Variants in MAPK4 observed in about 807,000 individuals in gnomAD.
The protein encoded by MAPK4 is mitogen-activated protein kinase 4, also known as Erk3-related.
Under a neutral mutation model 47.7 loss-of-function variants are expected in MAPK4, and 22 were observed. The ratio of observed to expected loss-of-function variants is 0.46; its 90% CI spans 0.33 to 0.66. The LOEUF is 0.66. MAPK4 is among the 30% of genes least tolerant of loss of function. MAPK4 has a pLI of 0.02. For missense variants in MAPK4, 736 were observed against 831.7 expected (o/e 0.88, Z 1.42); for synonymous variants, 390 against 365.7 (o/e 1.07, Z -0.76).
intron 2 of MAPK4, chr18:50,706,262 G>C (rs990874423): frequency 6.6e-6 from 1 of 152,100 alleles, no homozygotes; most frequent in African/African-American, 2.4e-5. Context: ...TACTCATCCA[G>C]GAACCATGAA....
chr18:50,689,741 A>G (rs1003358123), intron 2 of MAPK4, among the ~76,000 whole-genome samples: 5 of 152,172 alleles, frequency 3.3e-5, no homozygotes, highest in African/African-American at 1.2e-4. Flanking sequence ...ATTTTAAAAA[A>G]GGGGGGCTGT....
intron 1 of MAPK4, among the ~76,000 whole-genome samples, chr18:50,639,521 C>A (rs1032569562): frequency 2.4e-4 from 37 of 151,978 alleles, no homozygotes; most frequent in Non-Finnish European, 1.0e-4. Context: ...GGAGAAAATG[C>A]AGAAAATTAT....
intron 1 of MAPK4, among the ~76,000 whole-genome samples, chr18:50,578,570 A>G (rs2042317434): frequency 6.6e-6 from 1 of 152,224 alleles, no homozygotes; most frequent in Non-Finnish European, 1.5e-5. Flanking sequence ...ATTGCTGCAA[A>G]TCTACCTAAT....
At chr18:50,638,407 C>T (rs1280525595) in intron 1 of MAPK4, among the ~76,000 whole-genome samples, 3 of 152,208 alleles carry the variant, frequency 2.0e-5, no homozygotes, top group Non-Finnish European at 4.4e-5. Context: ...TAAGGCAGCA[C>T]GTCTTTCCCC....
chr18:50,684,308 G>A (rs996748683), intron 2 of MAPK4, among the ~76,000 whole-genome samples: 4 of 152,162 alleles, frequency 2.6e-5, no homozygotes, highest in Admixed American at 6.5e-5. Flanking sequence ...GCTTTGGGAC[G>A]CTGAGGTGGG....
intron 1 of MAPK4, among the ~76,000 whole-genome samples, chr18:50,589,392 C>T (rs1318124158): frequency 2.0e-5 from 3 of 151,992 alleles, no homozygotes; most frequent in African/African-American, 4.8e-5. Flanking sequence ...GTCAGGAGAT[C>T]GAGACCATCC....
Position 50,729,362 on chromosome 18 carries a change from C to A in MAPK4, c.1272C>A (p.Tyr424Ter). ...TGGAGCGCGCCTTCGAGGCCGACTA[C>A]GGGCGCTCCTGCGACTACAAGGTGG... The part of the protein sequence containing the change: ...SSMERAFEAD[Y>*]GRSCDYKVGS... The change falls in exon 6 of 6, where the codon TAC becomes TAA. Residue 424 changes from tyrosine to a stop codon, truncating the protein, a stop_gained. Coordinates refer to ENST00000400384, the MANE Select transcript of MAPK4 (RefSeq NM_002747.4). LOFTEE classifies it high-confidence loss of function. 1 of 1,578,098 alleles carries A rather than the reference C, an allele frequency of 6.3e-7. No homozygotes were observed. The highest frequency in any genetic ancestry group is 8.6e-7 in the Non-Finnish European group (1 of 1,163,442).
At chr18:50,601,463 A>C (rs1370129646) in intron 1 of MAPK4, among the ~76,000 whole-genome samples, 1 of 151,986 alleles carries the variant, frequency 6.6e-6, no homozygotes, top group South Asian at 2.1e-4. Context: ...AAACACATGC[A>C]ACTTTCTCTA....
intron 1 of MAPK4, among the ~76,000 whole-genome samples, chr18:50,649,106 G>A (rs938926266): frequency 2.0e-5 from 3 of 152,192 alleles, no homozygotes; most frequent in African/African-American, 7.2e-5. Flanking sequence ...GATGGGGGTA[G>A]GCCCTGGGTG....
intron 1 of MAPK4, among the ~76,000 whole-genome samples, chr18:50,624,154 A>G (rs2042755710): frequency 6.6e-6 from 1 of 152,248 alleles, no homozygotes; most frequent in African/African-American, 2.4e-5. Context: ...AAATTCCACC[A>G]GAGCAAGGAC....
At chr18:50,622,010 C>A (rs1042172820) in intron 1 of MAPK4, among the ~76,000 whole-genome samples, 1 of 152,172 alleles carries the variant, frequency 6.6e-6, no homozygotes, top group Admixed American at 6.5e-5. Context: ...GTAGACAGGG[C>A]ACATCTTAAT....
At position 50,729,853 on chromosome 18, in the gene MAPK4, G is replaced by A. The variant is rs746873598; in HGVS notation, c.1763G>A (p.Ter588=). ...GAGGCCTTCTCCAAAGAAAGGTGGTGAGGGCGGAGGGGCCGCTCCAGGCCC... is the reference window on the plus strand; with the variant it reads ...GAGGCCTTCTCCAAAGAAAGGTGGTAAGGGCGGAGGGGCCGCTCCAGGCCC... ...QTEAFSKERW[*] The change falls in exon 6 of 6, where the codon TGA becomes TAA. Residue 588 remains the stop codon, a stop_retained_variant. Coordinates refer to ENST00000400384, the MANE Select transcript of MAPK4 (RefSeq NM_002747.4). 3.7e-6 allele frequency: 6 copies of A among 1,605,630 alleles called. No individual in the cohort carries two copies. The Admixed American group carries it at 6.7e-5, about 18-fold the overall frequency.
At chr18:50,688,895 A>AG (rs974645870) in intron 2 of MAPK4, among the ~76,000 whole-genome samples, 4 of 150,380 alleles carry the variant, frequency 2.7e-5, no homozygotes, top group South Asian at 4.2e-4. Flanking sequence ...GAAATAAAAA[A>AG]AAAAAAAAAA....
intron 1 of MAPK4, among the ~76,000 whole-genome samples, chr18:50,652,915 A>G (rs1013442548): frequency 1.3e-5 from 2 of 152,154 alleles, no homozygotes; most frequent in Non-Finnish European, 2.9e-5. Context: ...CTGGGTATGG[A>G]TTACACCTGT....
intron 1 of MAPK4, among the ~76,000 whole-genome samples, chr18:50,655,946 C>G (rs771183266): frequency 6.1e-4 from 93 of 152,236 alleles, no homozygotes; most frequent in Middle Eastern, 3.4e-3. Context: ...TTGAATCCCT[C>G]TCTATATGCC....
At chr18:50,696,166 T>G (rs544068209) in intron 2 of MAPK4, among the ~76,000 whole-genome samples, 2 of 151,692 alleles carry the variant, frequency 1.3e-5, no homozygotes, top group Non-Finnish European at 2.9e-5. Flanking sequence ...GTGCTGGAGC[T>G]CCCAAGAGTC....
intron 1 of MAPK4, among the ~76,000 whole-genome samples, chr18:50,662,364 C>G (rs1040692549): frequency 1.3e-5 from 2 of 152,198 alleles, no homozygotes; most frequent in Non-Finnish European, 1.5e-5. Flanking sequence ...CACCAGAGGG[C>G]AGGGACAGTG....
intron 1 of MAPK4, among the ~76,000 whole-genome samples, chr18:50,608,664 A>G (rs947062257): frequency 2.6e-5 from 4 of 152,004 alleles, no homozygotes; most frequent in Non-Finnish European, 5.9e-5. Context: ...TGCATGCTGT[A>G]TTATGTTTAC....
chr18:50,562,589 C>T (rs1193903690), intron 1 of MAPK4, among the ~76,000 whole-genome samples: 1 of 152,056 alleles, frequency 6.6e-6, no homozygotes, highest in Admixed American at 6.5e-5. Context: ...TGGCTGGGGC[C>T]CTAGGACTGG....
Sources: gnomAD v4.1 joint callset for allele counts (sites outside exome capture counted in the v4.1 genomes callset) on GRCh38, gnomAD v4.1.1 for gene constraint, MANE v1.5 for transcripts, NCBI Gene and HGNC (gene_info 2026-07-23, HGNC 2026-07-21) for gene names.